The following EPB41 variants were observed in gnomAD, a reference collection of about 807,000 sequenced individuals.
The protein encoded by EPB41 is erythrocyte membrane protein band 4.1.
Under a neutral mutation model 108.0 loss-of-function variants are expected in EPB41, and 65 were observed. The ratio of observed to expected loss-of-function variants is 0.60; its 90% CI spans 0.49 to 0.74. The LOEUF is 0.74. EPB41 is among the 30% of genes least tolerant of loss of function. EPB41 has a pLI of 0.00. For missense variants in EPB41, 875 were observed against 1,037.0 expected (o/e 0.84, Z 2.15); for synonymous variants, 336 against 358.9 (o/e 0.94, Z 0.72).
Position 28,941,808 on chromosome 1 carries a change from C to T in EPB41, c.-8+27040C>T, listed in dbSNP as rs758714887. Among the ~76,000 whole-genome samples, 13 of 148,914 alleles carry T rather than the reference C, an allele frequency of 8.7e-5. No individual in the cohort carries two copies. In the Middle Eastern group the frequency reaches 0.01, roughly 118 times the overall value. On this transcript the variant is annotated intron_variant, in intron 1 of 20. Transcript: ENST00000343067. ...TACTCGGAAGCTGAGGTGGGAGAATCGCTTGAACACAGGAGGCGGAGGTTG... is the reference window on the plus strand; with the variant it reads ...TACTCGGAAGCTGAGGTGGGAGAATTGCTTGAACACAGGAGGCGGAGGTTG...
At chr1:28,986,748 A>G (rs2095876381) in intron 1 of EPB41, among the ~76,000 whole-genome samples, 1 of 152,032 alleles carries the variant, frequency 6.6e-6, no homozygotes. Flanking sequence ...TGGGCAATAT[A>G]GCAAGACCCC....
At chr1:29,001,993 A>T (rs990108965) in intron 4 of EPB41, among the ~76,000 whole-genome samples, 6 of 152,140 alleles carry the variant, frequency 3.9e-5, no homozygotes, top group African/African-American at 1.2e-4. Context: ...ATATTGTTAC[A>T]CTTGAGAGAC....
intron 16 of EPB41, among the ~76,000 whole-genome samples, chr1:29,086,815 A>T (rs1436628454): frequency 6.6e-6 from 1 of 152,138 alleles, no homozygotes; most frequent in Non-Finnish European, 1.5e-5. Context: ...ATGTGTGGGG[A>T]TAAAATTACT....
At chr1:29,045,396 C>T (rs1642856016) in intron 11 of EPB41, among the ~76,000 whole-genome samples, 1 of 152,040 alleles carries the variant, frequency 6.6e-6, no homozygotes, top group African/African-American at 2.4e-5. Context: ...CTCTGTCATC[C>T]AGGCTGGAGT....
At chr1:28,942,620 T>G (rs190372979) in intron 1 of EPB41, among the ~76,000 whole-genome samples, 4 of 152,356 alleles carry the variant, frequency 2.6e-5, no homozygotes, top group Admixed American at 2.6e-4. Context: ...ATCCAGAAAC[T>G]TTCTGAACCA....
At chr1:28,988,891 A>G (rs1202789338) in intron 2 of EPB41, among the ~76,000 whole-genome samples, 1 of 152,212 alleles carries the variant, frequency 6.6e-6, no homozygotes, top group Non-Finnish European at 1.5e-5. Flanking sequence ...GAGAAAAAAA[A>G]AGTATCAAAT....
At chr1:28,946,442 A>T (rs1257662702) in intron 1 of EPB41, among the ~76,000 whole-genome samples, 2 of 152,158 alleles carry the variant, frequency 1.3e-5, no homozygotes, top group African/African-American at 4.8e-5. Context: ...CTGCTATAAC[A>T]CCTATCATCA....
chr1:28,958,948 G>T (rs907679440), intron 1 of EPB41, among the ~76,000 whole-genome samples: 4 of 151,918 alleles, frequency 2.6e-5, no homozygotes, highest in Non-Finnish European at 5.9e-5. Flanking sequence ...AAGGATTACA[G>T]AAATAAAATT....
At chr1:28,969,856 G>A (rs566030212) in intron 1 of EPB41, among the ~76,000 whole-genome samples, 4 of 152,296 alleles carry the variant, frequency 2.6e-5, no homozygotes, top group South Asian at 2.1e-4. Context: ...AGCCAAGATC[G>A]TGCCGCTGTA....
intron 15 of EPB41, 92 bp downstream of exon 15, chr1:29,060,576 G>C: frequency 8.5e-7 from 1 of 1,180,666 alleles, no homozygotes; most frequent in African/African-American, 1.5e-5. Context: ...TGCTGCATTT[G>C]GTTTTGCATG....
In EPB41 at chr1:28,987,638, C is replaced by T; in HGVS notation, c.201C>T (p.Thr67=). ...ACACTCCTACACATGAAGACTTGAC[C>T]AAGAACAAGGAGCGGACATCAGAAA... ...NGDTPTHEDL[T]KNKERTSESR... Residue 67 remains threonine, a synonymous_variant, in exon 2 of 21, where the codon ACC becomes ACT. Transcript: ENST00000343067. 6.2e-7 allele frequency: 1 copy of T among 1,614,168 alleles called. No homozygotes were observed. Among genetic ancestry groups the T allele is most frequent in the Non-Finnish European group, 8.5e-7 (1 of 1,180,036 alleles).
Position 29,065,205 on chromosome 1 carries a change from A to G in EPB41, c.2184+47A>G, listed in dbSNP as rs372958871. ...CCAATTGTGAAAATGGAGGGAATAA[A>G]TGTTTTTATGTATTAATATTCTGTA... On this transcript the variant is annotated intron_variant, in intron 16 of 20. Transcript: ENST00000343067. 1.0e-4 allele frequency: 158 copies of G among 1,520,360 alleles called. 1 individual carries two copies. In the African/African-American group the frequency reaches 1.7e-3, roughly 16 times the overall value. 94.2% of individuals were successfully genotyped at this position (1,520,360 alleles called of 1,614,324 possible). A position where few individuals can be genotyped will look rare whatever the true frequency, so the allele number is the denominator to read the frequency against.
chr1:29,080,598 A>G (rs1355058076), intron 16 of EPB41, among the ~76,000 whole-genome samples: 1 of 151,898 alleles, frequency 6.6e-6, no homozygotes, highest in Non-Finnish European at 1.5e-5. Context: ...CATGTTGCCC[A>G]GGCAGGTCTC....
chr1:28,932,799 T>C (rs1171202715), intron 1 of EPB41, among the ~76,000 whole-genome samples: 1 of 152,206 alleles, frequency 6.6e-6, no homozygotes, highest in Non-Finnish European at 1.5e-5. Flanking sequence ...ATGGCCTTGA[T>C]ATTTGTCATT....
Position 29,109,369 on chromosome 1 carries a change from G to A in EPB41, c.2347G>A (p.Val783Ile), listed in dbSNP as rs1463615780. The A allele has an allele frequency of 6.2e-7, 1 of 1,614,098 alleles. No individual in the cohort carries two copies. The stretch of plus-strand genomic sequence containing the variant: ...CAACAGTGGAGACTTGGACCCAGGA[G>A]TCTTGCTGACAGCTCAAACTATCAC... ...DDNSGDLDPG[V>I]LLTAQTITSE... The change falls in exon 18 of 21, where the codon GTC becomes ATC. Residue 783 changes from valine (V) to isoleucine (I), a missense_variant. By Grantham distance (29) the Val-to-Ile change is conservative. Transcript: ENST00000343067.
chr1:29,022,731 GAA>G (rs1180508501), intron 7 of EPB41, among the ~76,000 whole-genome samples: 2 of 151,556 alleles, frequency 1.3e-5, no homozygotes. Flanking sequence ...CAAAAAAAAA[GAA>G]AAAAGAGTGT....
chr1:28,957,052 A>T (rs4654383), intron 1 of EPB41, among the ~76,000 whole-genome samples: 1 of 152,126 alleles, frequency 6.6e-6, no homozygotes. Flanking sequence ...GTGAAGAGTG[A>T]ATAGGATTGT....
chr1:29,027,047 A>T (rs2096727826), intron 7 of EPB41, among the ~76,000 whole-genome samples: 1 of 151,218 alleles, frequency 6.6e-6, no homozygotes, highest in Admixed American at 6.6e-5. Flanking sequence ...AGCCGAGATC[A>T]TACCACTGCA....
At chr1:29,027,091 C>T (rs1481893657) in intron 7 of EPB41, among the ~76,000 whole-genome samples, 1 of 99,512 alleles carries the variant, frequency 1.0e-5, no homozygotes, top group Non-Finnish European at 2.1e-5. Flanking sequence ...GACTCCATCT[C>T]AAAAAAAAAA....
Sources: gnomAD v4.1 joint callset for allele counts (sites outside exome capture counted in the v4.1 genomes callset) on GRCh38, gnomAD v4.1.1 for gene constraint, MANE v1.5 for transcripts, NCBI Gene and HGNC (gene_info 2026-07-23, HGNC 2026-07-21) for gene names.